The following NARS2 variants were observed in gnomAD, a reference collection of about 807,000 sequenced individuals.
NARS2 encodes the protein asparaginyl-tRNA synthetase 2, mitochondrial, also known as asparaginyl-tRNA synthetase.
Under a neutral mutation model 62.9 loss-of-function variants are expected in NARS2, and 60 were observed. That is an observed-to-expected ratio of 0.95 (90% CI 0.77 to 1.18). The LOEUF is 1.18. Among genes scored for constraint, NARS2 ranks in the 50% most tolerant of loss-of-function variants. The probability of loss-of-function intolerance (pLI) is 0.00; values close to 1 mark genes in which losing one functional copy is unlikely to be tolerated. For synonymous variants in NARS2, 196 were observed against 200.0 expected (o/e 0.98, Z 0.17); for missense variants, 619 against 576.4 (o/e 1.07, Z -0.76).
intron 5 of NARS2, among the ~76,000 whole-genome samples, chr11:78,556,523 T>C (rs1162752408): frequency 6.6e-6 from 1 of 152,138 alleles, no homozygotes; most frequent in East Asian, 1.9e-4. Context: ...CATAAGGAAG[T>C]CCCCTTTGCT....
At chr11:78,441,678 G>A (rs1857580527) in intron 12 of NARS2, among the ~76,000 whole-genome samples, 2 of 150,728 alleles carry the variant, frequency 1.3e-5, no homozygotes, top group African/African-American at 2.4e-5. Context: ...GCCACTGCAC[G>A]CCAGTCTGGA....
intron 5 of NARS2, among the ~76,000 whole-genome samples, chr11:78,529,631 TAAAG>T (rs1305789875): frequency 2.0e-5 from 3 of 152,164 alleles, no homozygotes; most frequent in Non-Finnish European, 4.4e-5. Flanking sequence ...AACAGTATAA[TAAAG>T]AAAGCTTCTG....
intron 6 of NARS2, among the ~76,000 whole-genome samples, chr11:78,507,917 G>A (rs1202506997): frequency 6.6e-6 from 1 of 152,164 alleles, no homozygotes; most frequent in Non-Finnish European, 1.5e-5. Context: ...CCCTGAGAAA[G>A]ATCTCAAGCC....
intron 11 of NARS2, among the ~76,000 whole-genome samples, chr11:78,450,184 A>G (rs777195184): frequency 1.2e-4 from 18 of 152,188 alleles, no homozygotes; most frequent in Non-Finnish European, 1.9e-4. Context: ...TTCCTCATCT[A>G]CGTGGACTCT....
chr11:78,439,092 C>T (rs910526978), intron 13 of NARS2, among the ~76,000 whole-genome samples: 6 of 151,620 alleles, frequency 4.0e-5, no homozygotes, highest in Non-Finnish European at 8.8e-5. Flanking sequence ...GGCTGGAATG[C>T]AATGGCGTGA....
chr11:78,522,182 T>C (rs545963077), intron 6 of NARS2, among the ~76,000 whole-genome samples: 4 of 150,898 alleles, frequency 2.7e-5, no homozygotes, highest in African/African-American at 9.8e-5. Flanking sequence ...GGTCTCAAAC[T>C]TCTGGTCTCA....
chr11:78,453,078 C>G (rs1210429303), intron 11 of NARS2, among the ~76,000 whole-genome samples: 1 of 152,208 alleles, frequency 6.6e-6, no homozygotes, highest in Non-Finnish European at 1.5e-5. Flanking sequence ...CTAAAAATCT[C>G]TATTGTGTTT....
intron 11 of NARS2, among the ~76,000 whole-genome samples, chr11:78,450,145 G>A (rs1470088625): frequency 6.6e-6 from 1 of 152,172 alleles, no homozygotes; most frequent in Non-Finnish European, 1.5e-5. Flanking sequence ...AACTATATGT[G>A]CACATAAAAC....
At chr11:78,570,998 C>G (rs1489128408) in intron 2 of NARS2, among the ~76,000 whole-genome samples, 2 of 152,112 alleles carry the variant, frequency 1.3e-5, no homozygotes, top group Non-Finnish European at 2.9e-5. Context: ...CTATGAAAGA[C>G]AAGAGGAGAA....
intron 13 of NARS2, 47 bp from the exon 14 acceptor site, chr11:78,436,861 C>A (rs1222550105): frequency 3.9e-6 from 6 of 1,545,336 alleles, no homozygotes; most frequent in Non-Finnish European, 3.5e-6. Flanking sequence ...AGTATAAGAC[C>A]AGATGTTATG....
At chr11:78,510,653 A>G (rs1285909637) in intron 6 of NARS2, among the ~76,000 whole-genome samples, 1 of 150,650 alleles carries the variant, frequency 6.6e-6, no homozygotes, top group Non-Finnish European at 1.5e-5. Context: ...TCATATGTGC[A>G]TGTGTTATTT....
chr11:78,459,255 TTTTTG>T (rs1046099020), intron 11 of NARS2, among the ~76,000 whole-genome samples: 7 of 149,864 alleles, frequency 4.7e-5, no homozygotes, highest in African/African-American at 7.5e-5. Flanking sequence ...CGTTGTTTTT[TTTTTG>T]TTTTGTTTTG....
intron 6 of NARS2, among the ~76,000 whole-genome samples, chr11:78,508,633 T>C (rs1424738390): frequency 6.7e-6 from 1 of 149,078 alleles, no homozygotes; most frequent in African/African-American, 2.5e-5. Flanking sequence ...GAAGAAATAA[T>C]GGCTGAAAAC....
chr11:78,459,389 G>A (rs1858302832), intron 11 of NARS2, among the ~76,000 whole-genome samples: 1 of 150,868 alleles, frequency 6.6e-6, no homozygotes, highest in African/African-American at 2.5e-5. Context: ...TCCTGCCTAA[G>A]CCTCCCAAGT....
At chr11:78,503,033 T>C (rs911101126) in intron 6 of NARS2, among the ~76,000 whole-genome samples, 4 of 149,312 alleles carry the variant, frequency 2.7e-5, no homozygotes, top group Non-Finnish European at 4.4e-5. Context: ...AGATTGTCTA[T>C]CAAGCACTTT....
intron 5 of NARS2, among the ~76,000 whole-genome samples, chr11:78,536,129 A>G (rs1454660280): frequency 6.6e-6 from 1 of 152,104 alleles, no homozygotes; most frequent in African/African-American, 2.4e-5. Flanking sequence ...AAAAATTCCT[A>G]TTTCCTAGTG....
intron 6 of NARS2, among the ~76,000 whole-genome samples, chr11:78,502,098 A>AT (rs1438167387): frequency 6.6e-6 from 1 of 152,256 alleles, no homozygotes; most frequent in Non-Finnish European, 1.5e-5. Flanking sequence ...GATTTCCTGT[A>AT]TATGAAATAT....
Position 78,574,336 on chromosome 11 carries a change from C to T in NARS2, c.141+12G>A. On this transcript the variant is annotated intron_variant, in intron 1 of 13. Coordinates refer to ENST00000281038, the MANE Select transcript of NARS2 (RefSeq NM_024678.6). The stretch of plus-strand genomic sequence containing the variant: ...CTACAAGAAAAAACCCACTCCCTTC[C>T]CATTCACCAACCTGGATCTTAATGC... 1 of 1,614,204 alleles carries T rather than the reference C, an allele frequency of 6.2e-7. No homozygotes were observed. Among genetic ancestry groups the T allele is most frequent in the Non-Finnish European group, 8.5e-7 (1 of 1,180,012 alleles).
chr11:78,547,159 T>C (rs1317781633), intron 5 of NARS2, among the ~76,000 whole-genome samples: 1 of 151,958 alleles, frequency 6.6e-6, no homozygotes, highest in Non-Finnish European at 1.5e-5. Flanking sequence ...AGCAAGACCC[T>C]GTATCCATAA....
Sources: allele counts gnomAD v4.1 joint callset (sites outside exome capture counted in the v4.1 genomes callset), GRCh38; gene constraint gnomAD v4.1.1; transcripts MANE v1.5; gene names NCBI Gene and HGNC (gene_info 2026-07-23, HGNC 2026-07-21).